GLDC: variants seen among roughly 807,000 people sequenced by gnomAD.
GLDC encodes the protein glycine dehydrogenase (decarboxylating), mitochondrial.
Under a neutral mutation model 121.3 loss-of-function variants are expected in GLDC, and 104 were observed. The observed-to-expected ratio is 0.86, with a 90% confidence interval of 0.73 to 1.01. The LOEUF (loss-of-function observed/expected upper bound fraction) is 1.01, where lower values mean the gene tolerates loss of function less well. GLDC is among the 50% of genes least tolerant of loss of function. GLDC has a pLI of 0.00. For synonymous variants in GLDC, 546 were observed against 480.6 expected (o/e 1.14, Z -1.78); for missense variants, 1,429 against 1,306.6 (o/e 1.09, Z -1.44).
Position 6,574,462 on chromosome 9 carries a change from G to A in GLDC, c.1851-9033C>T, listed in dbSNP as rs58478585. 2.6e-4 allele frequency among the ~76,000 whole-genome samples: 38 copies of A among 145,910 alleles called. No individual in the cohort carries two copies. In the East Asian group the frequency reaches 6.3e-3, roughly 24 times the overall value. Reference sequence around the variant, plus strand: ...AGCCTGGGCGACACAGCAAGACTCCGTCTCAAAAAAAAAAACAAAGAAAAG... The same window carrying A: ...AGCCTGGGCGACACAGCAAGACTCCATCTCAAAAAAAAAAACAAAGAAAAG... On this transcript the variant is annotated intron_variant, in intron 15 of 24. Coordinates refer to ENST00000321612, the MANE Select transcript of GLDC (RefSeq NM_000170.3).
intron 19 of GLDC, 29 bp downstream of exon 19, chr9:6,554,640 C>T (rs779980458): frequency 6.8e-6 from 10 of 1,476,962 alleles, no homozygotes; most frequent in East Asian, 2.3e-5. Context: ...TCTCCAAAGC[C>T]ATCCTGAAAC....
At chr9:6,568,299 G>A (rs1451929318) in intron 15 of GLDC, among the ~76,000 whole-genome samples, 1 of 152,110 alleles carries the variant, frequency 6.6e-6, no homozygotes, top group Non-Finnish European at 1.5e-5. Flanking sequence ...TTACTACTGG[G>A]GCATTAGTAA....
intron 21 of GLDC, among the ~76,000 whole-genome samples, chr9:6,544,568 G>C (rs1817344404): frequency 6.6e-6 from 1 of 151,280 alleles, no homozygotes. Context: ...GAGCCGGGGA[G>C]GCGGGGGTTG....
At chr9:6,633,281 A>G (rs1180150888) in intron 2 of GLDC, among the ~76,000 whole-genome samples, 2 of 151,906 alleles carry the variant, frequency 1.3e-5, no homozygotes, top group African/African-American at 4.8e-5. Flanking sequence ...CTCCTTCTGC[A>G]TGTTTTATTT....
rs1004999215 is a variant in GLDC, at chr9:6,630,423, A to C, written c.335-10104T>G. ...TGGGGAGCCCAGCCAGCAGCGCCTCACACACAGCAGCCACTAACCGCGTCA... is the reference window on the plus strand; with the variant it reads ...TGGGGAGCCCAGCCAGCAGCGCCTCCCACACAGCAGCCACTAACCGCGTCA... On this transcript the variant is annotated intron_variant, in intron 2 of 24. Transcript: ENST00000321612. Among the ~76,000 whole-genome samples, 3 of 152,284 alleles carry C rather than the reference A, an allele frequency of 2.0e-5. No homozygotes were observed. The South Asian group carries it at 6.2e-4, about 32-fold the overall frequency.
chr9:6,577,280 C>T (rs1818083471), intron 15 of GLDC, among the ~76,000 whole-genome samples: 2 of 152,188 alleles, frequency 1.3e-5, no homozygotes, highest in Non-Finnish European at 2.9e-5. Flanking sequence ...AAATATTATC[C>T]TATTCTGCAG....
At chr9:6,621,725 C>T (rs968553450) in intron 2 of GLDC, among the ~76,000 whole-genome samples, 1 of 152,190 alleles carries the variant, frequency 6.6e-6, no homozygotes. Flanking sequence ...ACCATATTGG[C>T]TAGGCTGGTC....
intron 4 of GLDC, among the ~76,000 whole-genome samples, chr9:6,609,018 C>G (rs1274721049): frequency 6.6e-6 from 1 of 152,104 alleles, no homozygotes; most frequent in East Asian, 1.9e-4. Context: ...TCACTCCCCA[C>G]CCCAACTCTG....
chr9:6,593,268 G>GATATAT (rs34438524), intron 9 of GLDC, among the ~76,000 whole-genome samples: 156 of 143,942 alleles, frequency 1.1e-3, no homozygotes, highest in Middle Eastern at 7.0e-3. Flanking sequence ...GGTAGTATCA[G>GATATAT]ATATATATAT....
intron 14 of GLDC, 31 bp downstream of exon 14, chr9:6,588,370 G>A (rs1334229858): frequency 1.3e-6 from 2 of 1,529,298 alleles, no homozygotes; most frequent in Non-Finnish European, 1.8e-6. Flanking sequence ...GCCCCTTGCT[G>A]AGTATCCACT....
intron 22 of GLDC, 98 bp downstream of exon 22, chr9:6,539,953 C>G (rs1817220343): frequency 2.4e-6 from 2 of 837,946 alleles, no homozygotes; most frequent in East Asian, 4.8e-5. Context: ...ATTTATCCCC[C>G]AGATCAGTTT....
intron 2 of GLDC, among the ~76,000 whole-genome samples, chr9:6,638,380 A>G (rs1184912890): frequency 6.6e-6 from 1 of 151,870 alleles, no homozygotes; most frequent in Admixed American, 6.6e-5. Context: ...ACGCCCAGGT[A>G]ATTTCTGTAT....
intron 11 of GLDC, among the ~76,000 whole-genome samples, chr9:6,591,629 G>T (rs1305948210): frequency 2.0e-5 from 3 of 152,068 alleles, no homozygotes; most frequent in Non-Finnish European, 4.4e-5. Flanking sequence ...TTGCTGCCCA[G>T]GCTAGAGTGC....
intron 16 of GLDC, among the ~76,000 whole-genome samples, chr9:6,561,100 C>T (rs1369909784): frequency 6.6e-6 from 1 of 152,200 alleles, no homozygotes; most frequent in East Asian, 1.9e-4. Context: ...CCAGTGAAAC[C>T]AATTTCTGAC....
At chr9:6,618,706 T>A (rs954324728) in intron 3 of GLDC, among the ~76,000 whole-genome samples, 6 of 152,154 alleles carry the variant, frequency 3.9e-5, no homozygotes, top group Non-Finnish European at 8.8e-5. Context: ...AGAAATGCTT[T>A]CAGTGTTGTT....
chr9:6,567,675 T>C (rs1188210397), intron 15 of GLDC, among the ~76,000 whole-genome samples: 1 of 152,214 alleles, frequency 6.6e-6, no homozygotes, highest in Admixed American at 6.5e-5. Flanking sequence ...ATTTGATAGA[T>C]TGATTAAAGA....
intron 22 of GLDC, among the ~76,000 whole-genome samples, chr9:6,538,199 G>T (rs777390469): frequency 6.6e-6 from 1 of 151,604 alleles, no homozygotes. Context: ...AACATATCCT[G>T]CTGTAGTGGT....
chr9:6,589,148 C>A (rs778755361), intron 12 of GLDC, 47 bp downstream of exon 12: 3 of 1,139,048 alleles, frequency 2.6e-6, no homozygotes, highest in South Asian at 1.2e-5. Flanking sequence ...AACTCCCTAG[C>A]TGATTACCAA....
intron 8 of GLDC, among the ~76,000 whole-genome samples, chr9:6,600,934 G>A (rs1818596497): frequency 6.6e-6 from 1 of 152,150 alleles, no homozygotes; most frequent in South Asian, 2.1e-4. Context: ...CAACACTTTG[G>A]GAGGCCGAGG....
Sources: gnomAD v4.1 joint callset for allele counts (sites outside exome capture counted in the v4.1 genomes callset) on GRCh38, gnomAD v4.1.1 for gene constraint, MANE v1.5 for transcripts, NCBI Gene and HGNC (gene_info 2026-07-23, HGNC 2026-07-21) for gene names.